ARB2A: variants seen among roughly 807,000 people sequenced by gnomAD.
ARB2A encodes ARB2 cotranscriptional regulator A.
At chr5:93,742,706 C>T in the ARB2A span, among the ~76,000 whole-genome samples, 13 of 152,300 alleles carry the variant, frequency 8.5e-5, no homozygotes. Flanking sequence ...TTTCAGCTGT[C>T]AAATCCAATG....
chr5:93,979,859 G>A, the ARB2A span, among the ~76,000 whole-genome samples: 1 of 151,928 alleles, frequency 6.6e-6, no homozygotes, highest in Non-Finnish European at 1.5e-5. Flanking sequence ...TTCCTCTAGT[G>A]ACATCCTTAG....
At chr5:94,053,175 A>G in the ARB2A span, 2 of 1,601,986 alleles carry the variant, frequency 1.2e-6, no homozygotes, top group Admixed American at 3.4e-5. Context: ...GAAAATCAAG[A>G]GGCGGTTCAT....
At chr5:93,859,152 T>C in the ARB2A span, among the ~76,000 whole-genome samples, 818 of 152,308 alleles carry the variant, frequency 5.4e-3, 6 homozygotes, top group African/African-American at 0.018. Flanking sequence ...GAAAAAAGAA[T>C]GTATTATTTT....
the ARB2A span, chr5:93,804,827 A>AT: frequency 1.5e-6 from 1 of 652,974 alleles, no homozygotes; most frequent in Non-Finnish European, 1.9e-6. Flanking sequence ...TTTATGTTTA[A>AT]TTTTTTGATT....
the ARB2A span, among the ~76,000 whole-genome samples, chr5:94,110,786 C>A: frequency 6.6e-6 from 1 of 152,078 alleles, no homozygotes; most frequent in African/African-American, 2.4e-5. Context: ...TAGATAAAAA[C>A]CAGAGAATTT....
At chr5:93,936,031 A>C in the ARB2A span, among the ~76,000 whole-genome samples, 1 of 152,182 alleles carries the variant, frequency 6.6e-6, no homozygotes, top group African/African-American at 2.4e-5. Flanking sequence ...AAGTGAATAG[A>C]CTTTGAGTAT....
the ARB2A span, among the ~76,000 whole-genome samples, chr5:93,763,280 G>C: frequency 6.6e-6 from 1 of 152,170 alleles, no homozygotes; most frequent in Non-Finnish European, 1.5e-5. Context: ...AGACCCATCA[G>C]TGTGCTGTAT....
At chr5:93,642,149 T>TA in the ARB2A span, among the ~76,000 whole-genome samples, 1 of 151,420 alleles carries the variant, frequency 6.6e-6, no homozygotes, top group Non-Finnish European at 1.5e-5. Context: ...CCTGGCTAAT[T>TA]AAAAAAATAT....
chr5:93,636,574 T>A, the ARB2A span, among the ~76,000 whole-genome samples: 3 of 152,340 alleles, frequency 2.0e-5, no homozygotes, highest in East Asian at 3.9e-4. Flanking sequence ...ATCTGTTGGC[T>A]CCCTGGTCTG....
the ARB2A span, among the ~76,000 whole-genome samples, chr5:94,025,695 G>A: frequency 1.3e-5 from 2 of 152,234 alleles, no homozygotes; most frequent in East Asian, 1.9e-4. Flanking sequence ...AAAAGAATAT[G>A]AAGTTTCTGC....
chr5:93,982,872 T>C, the ARB2A span, among the ~76,000 whole-genome samples: 1 of 152,166 alleles, frequency 6.6e-6, no homozygotes, highest in Non-Finnish European at 1.5e-5. Flanking sequence ...CTAGCCAACA[T>C]GGCGAAACCC....
the ARB2A span, among the ~76,000 whole-genome samples, chr5:93,983,326 G>A: frequency 4.6e-5 from 7 of 151,946 alleles, no homozygotes; most frequent in African/African-American, 1.7e-4. Flanking sequence ...AATCTAAAAA[G>A]TATTTTTTGT....
chr5:93,880,599 C>T, the ARB2A span, among the ~76,000 whole-genome samples: 10 of 151,572 alleles, frequency 6.6e-5, no homozygotes, highest in South Asian at 4.1e-4. Flanking sequence ...TTTCTTAACC[C>T]GTAGCATTTT....
At chr5:93,852,257 G>C in the ARB2A span, among the ~76,000 whole-genome samples, 1 of 152,098 alleles carries the variant, frequency 6.6e-6, no homozygotes, top group African/African-American at 2.4e-5. Context: ...GTCTTCTTTT[G>C]AGAAGTGTCT....
chr5:93,996,195 G>T, the ARB2A span, among the ~76,000 whole-genome samples: 1 of 151,798 alleles, frequency 6.6e-6, no homozygotes, highest in Non-Finnish European at 1.5e-5. Flanking sequence ...ATCTATGTAT[G>T]TCTACCTAAA....
chr5:93,665,241 A>G, the ARB2A span, among the ~76,000 whole-genome samples: 1 of 152,208 alleles, frequency 6.6e-6, no homozygotes, highest in Non-Finnish European at 1.5e-5. Context: ...AGAAATCACA[A>G]TTTACTTCTT....
chr5:93,731,413 C>T, the ARB2A span, among the ~76,000 whole-genome samples: 6 of 152,146 alleles, frequency 3.9e-5, no homozygotes, highest in Admixed American at 3.9e-4. Flanking sequence ...CCCTCAAAAC[C>T]CTCACAAGGA....
chr5:94,038,331 T>TTA, the ARB2A span, among the ~76,000 whole-genome samples: 1 of 151,938 alleles, frequency 6.6e-6, no homozygotes, highest in African/African-American at 2.4e-5. Flanking sequence ...CCAATATATA[T>TTA]TATATATACA....
At chr5:93,860,211 T>C in the ARB2A span, among the ~76,000 whole-genome samples, 1 of 152,090 alleles carries the variant, frequency 6.6e-6, no homozygotes, top group African/African-American at 2.4e-5. Context: ...GAGAATCACA[T>C]GAACCCAGGA....
Sources: gnomAD v4.1 joint callset for allele counts (sites outside exome capture counted in the v4.1 genomes callset) on GRCh38, gnomAD v4.1.1 for gene constraint, MANE v1.5 for transcripts, NCBI Gene and HGNC (gene_info 2026-07-23, HGNC 2026-07-21) for gene names.